Variants in ADAMTS6 observed in about 807,000 individuals in gnomAD.
ADAMTS6 encodes the protein A disintegrin and metalloproteinase with thrombospondin motifs 6.
In ADAMTS6, 23 loss-of-function variants were observed where a neutral mutation model predicts 144.3. That is an observed-to-expected ratio of 0.16 (90% CI 0.11 to 0.23). The LOEUF (loss-of-function observed/expected upper bound fraction) is 0.23. Ranked by LOEUF, ADAMTS6 falls within the 10% of genes least tolerant of loss-of-function variation. The pLI is 1.00. For missense variants in ADAMTS6, 999 were observed against 1,379.6 expected (o/e 0.72, Z 4.37); for synonymous variants, 444 against 457.5 (o/e 0.97, Z 0.38).
intron 7 of ADAMTS6, among the ~76,000 whole-genome samples, chr5:65,391,580 C>A (rs1238166091): frequency 1.3e-5 from 2 of 152,098 alleles, no homozygotes; most frequent in Admixed American, 1.3e-4. Context: ...ACCTACTCTA[C>A]CATCCATATT....
At chr5:65,252,609 A>T (rs963452449) in intron 14 of ADAMTS6, among the ~76,000 whole-genome samples, 1 of 151,072 alleles carries the variant, frequency 6.6e-6, no homozygotes, top group Non-Finnish European at 1.5e-5. Context: ...CTAATTTATT[A>T]TATTTTTTAG....
At position 65,215,331 on chromosome 5, in the gene ADAMTS6, A is replaced by T. The variant is rs746310115; in HGVS notation, c.2429T>A (p.Ile810Asn). ...EALGPTSENL[I>N]VMVLLQEQNL... ...TGGCAAAGACGCATTTACCATGACG[A>T]TGAGATTTTCTGAGGTAGGACCTAG... Residue 810 changes from isoleucine (I) to asparagine (N), a missense_variant, in exon 19 of 25, where the codon ATC (isoleucine) becomes AAC (asparagine). Coordinates refer to ENST00000381055, the MANE Select transcript of ADAMTS6 (RefSeq NM_197941.4). 2 of 1,613,138 alleles carry T rather than the reference A, an allele frequency of 1.2e-6. No individual in the cohort carries two copies. The highest frequency in any genetic ancestry group is 2.7e-5 in the African/African-American group (2 of 74,888).
chr5:65,161,545 G>C (rs1752781491), intron 24 of ADAMTS6, among the ~76,000 whole-genome samples: 2 of 152,068 alleles, frequency 1.3e-5, no homozygotes, highest in African/African-American at 4.8e-5. Context: ...CTTCATTTGA[G>C]CACTTGTGCA....
At chr5:65,255,385 G>A (rs1760559816) in intron 14 of ADAMTS6, among the ~76,000 whole-genome samples, 4 of 152,186 alleles carry the variant, frequency 2.6e-5, no homozygotes, top group African/African-American at 4.8e-5. Flanking sequence ...CCAGTGTGTA[G>A]TATTTTATCC....
chr5:65,167,379 G>T (rs1355549095), intron 24 of ADAMTS6, among the ~76,000 whole-genome samples: 270 of 151,960 alleles, frequency 1.8e-3, no homozygotes, highest in African/African-American at 5.9e-3. Flanking sequence ...GCTGAAATTG[G>T]GGCAATAATC....
intron 7 of ADAMTS6, among the ~76,000 whole-genome samples, chr5:65,397,177 G>C (rs1194518116): frequency 6.6e-6 from 1 of 152,104 alleles, no homozygotes; most frequent in Non-Finnish European, 1.5e-5. Context: ...AGGATCTGTG[G>C]ATGTTCCCTC....
chr5:65,338,487 A>T (rs546548592), intron 7 of ADAMTS6, among the ~76,000 whole-genome samples: 1 of 152,242 alleles, frequency 6.6e-6, no homozygotes, highest in Non-Finnish European at 1.5e-5. Flanking sequence ...GAAGAAACTG[A>T]CCAAAACACA....
At chr5:65,358,549 C>CA (rs1355081552) in intron 7 of ADAMTS6, among the ~76,000 whole-genome samples, 2 of 151,936 alleles carry the variant, frequency 1.3e-5, no homozygotes, top group Non-Finnish European at 2.9e-5. Flanking sequence ...TATGGAACCA[C>CA]AAAAGACCTC....
intron 10 of ADAMTS6, among the ~76,000 whole-genome samples, chr5:65,293,528 C>T (rs1320403602): frequency 6.1e-5 from 9 of 148,438 alleles, no homozygotes. Flanking sequence ...CTGTGTAGAT[C>T]CCAAAGAAGA....
At chr5:65,475,641 C>A (rs1363698985) in intron 1 of ADAMTS6, among the ~76,000 whole-genome samples, 1 of 152,034 alleles carries the variant, frequency 6.6e-6, no homozygotes. Context: ...AAGACGAATA[C>A]AATTTTACAA....
intron 14 of ADAMTS6, among the ~76,000 whole-genome samples, chr5:65,257,018 C>T (rs1214533468): frequency 1.1e-5 from 1 of 88,088 alleles, no homozygotes; most frequent in African/African-American, 4.8e-5. Flanking sequence ...TTGCTTAAGA[C>T]AAGTTTTCAC....
In ADAMTS6 at chr5:65,231,277, A is replaced by G. The variant is rs548786409; in HGVS notation, c.1934-5058T>C. Among the ~76,000 whole-genome samples, 81 of 152,222 alleles carry G rather than the reference A, an allele frequency of 5.3e-4. 1 individual carries two copies. The highest frequency in any genetic ancestry group is 1.9e-3 in the African/African-American group (77 of 41,552). ...AATAGGCTATTAGTCAAAAACTGTA[A>G]TAAGAGACAAAGAAAGTCATTATAT... On this transcript the variant is annotated intron_variant, in intron 15 of 24. Coordinates refer to ENST00000381055, the MANE Select transcript of ADAMTS6 (RefSeq NM_197941.4).
intron 9 of ADAMTS6, among the ~76,000 whole-genome samples, chr5:65,315,107 C>G (rs1016220841): frequency 5.3e-5 from 8 of 151,772 alleles, no homozygotes; most frequent in Non-Finnish European, 1.2e-4. Context: ...ATAATAGTAA[C>G]AATGTATTAG....
At chr5:65,225,190 T>C in intron 16 of ADAMTS6, 143 bp from the exon 17 acceptor site, 2 of 997,632 alleles carry the variant, frequency 2.0e-6, no homozygotes, top group Non-Finnish European at 2.8e-6. Context: ...AAACCATACT[T>C]GGGTCTTTGT....
At chr5:65,413,169 A>C (rs553480418) in intron 7 of ADAMTS6, among the ~76,000 whole-genome samples, 1 of 152,302 alleles carries the variant, frequency 6.6e-6, no homozygotes, top group African/African-American at 2.4e-5. Context: ...AGAATCACAG[A>C]CTAAAACAGG....
chr5:65,219,952 T>C (rs1299109050), intron 18 of ADAMTS6, among the ~76,000 whole-genome samples: 1 of 152,188 alleles, frequency 6.6e-6, no homozygotes, highest in South Asian at 2.1e-4. Flanking sequence ...TCAGTAATTC[T>C]TCAACAAGAA....
intron 7 of ADAMTS6, among the ~76,000 whole-genome samples, chr5:65,357,379 G>A (rs1223104695): frequency 6.6e-6 from 1 of 151,232 alleles, no homozygotes; most frequent in Admixed American, 6.6e-5. Flanking sequence ...TTTGTAAGAG[G>A]AAAGTATATA....
At chr5:65,326,952 T>C (rs1056138318) in intron 9 of ADAMTS6, among the ~76,000 whole-genome samples, 1 of 152,198 alleles carries the variant, frequency 6.6e-6, no homozygotes, top group Non-Finnish European at 1.5e-5. Flanking sequence ...TGATATAGTT[T>C]GGATGTTTGT....
intron 7 of ADAMTS6, among the ~76,000 whole-genome samples, chr5:65,344,783 C>T (rs1476100157): frequency 6.6e-6 from 1 of 151,868 alleles, no homozygotes; most frequent in African/African-American, 2.4e-5. Context: ...GTCTTATTTT[C>T]GTTTCCCAAA....
Sources: allele counts gnomAD v4.1 joint callset (sites outside exome capture counted in the v4.1 genomes callset), GRCh38; gene constraint gnomAD v4.1.1; transcripts MANE v1.5; gene names NCBI Gene and HGNC (gene_info 2026-07-23, HGNC 2026-07-21).